DENND1B: variants seen among roughly 807,000 people sequenced by gnomAD.
DENND1B encodes DENN domain containing 1B.
Under a neutral mutation model 90.1 loss-of-function variants are expected in DENND1B, and 59 were observed. The observed-to-expected ratio is 0.65, with a 90% confidence interval of 0.53 to 0.81. DENND1B has a LOEUF of 0.81. Among genes scored for constraint, DENND1B ranks in the 40% least tolerant of loss-of-function variants. DENND1B has a pLI of 0.00. For missense variants in DENND1B, 862 were observed against 912.6 expected, an observed-to-expected ratio of 0.94 and a Z score of 0.71; for synonymous variants, 337 against 324.6, an observed-to-expected ratio of 1.04 and a Z score of -0.41.
At chr1:197,627,374 A>G (rs994203970) in intron 10 of DENND1B, among the ~76,000 whole-genome samples, 1 of 152,180 alleles carries the variant, frequency 6.6e-6, no homozygotes, top group Admixed American at 6.6e-5. Context: ...CTGGTTCAAT[A>G]CACGCAAATC....
At chr1:197,773,508 T>A (rs1023705873) in intron 1 of DENND1B, among the ~76,000 whole-genome samples, 4 of 152,318 alleles carry the variant, frequency 2.6e-5, no homozygotes, top group African/African-American at 9.6e-5. Flanking sequence ...TAAAATGTAT[T>A]TACTGTACTT....
chr1:197,561,726 T>C (rs1348086208), intron 15 of DENND1B, among the ~76,000 whole-genome samples: 1 of 151,914 alleles, frequency 6.6e-6, no homozygotes, highest in Non-Finnish European at 1.5e-5. Flanking sequence ...GCCCACAGTC[T>C]TCCCAATCTC....
At chr1:197,692,455 T>A (rs1455215873) in intron 3 of DENND1B, among the ~76,000 whole-genome samples, 1 of 151,736 alleles carries the variant, frequency 6.6e-6, no homozygotes, top group South Asian at 2.1e-4. Flanking sequence ...GTTCCATAAA[T>A]CCCACACTCC....
chr1:197,644,015 A>C (rs567230220), intron 9 of DENND1B, among the ~76,000 whole-genome samples: 2 of 152,336 alleles, frequency 1.3e-5, no homozygotes, highest in African/African-American at 2.4e-5. Context: ...AATTTCCGGA[A>C]GATAGAAACT....
At chr1:197,716,479 C>T (rs1660656730) in intron 2 of DENND1B, among the ~76,000 whole-genome samples, 1 of 151,366 alleles carries the variant, frequency 6.6e-6, no homozygotes, top group African/African-American at 2.4e-5. Flanking sequence ...TTACACATCA[C>T]CTAAAAACAC....
chr1:197,725,630 A>T (rs1315045901), intron 2 of DENND1B, among the ~76,000 whole-genome samples: 1 of 151,948 alleles, frequency 6.6e-6, no homozygotes, highest in Admixed American at 6.6e-5. Context: ...AAAAGACTAT[A>T]GCCTTGAAAA....
At chr1:197,674,248 T>G in intron 3 of DENND1B, 79 bp from the exon 4 acceptor site, 1 of 1,028,790 alleles carries the variant, frequency 9.7e-7, no homozygotes, top group South Asian at 1.5e-5. Context: ...TTTGAGACAT[T>G]TTCTAGGAGA....
intron 15 of DENND1B, among the ~76,000 whole-genome samples, chr1:197,572,694 C>T (rs538654118): frequency 3.9e-5 from 6 of 152,262 alleles, no homozygotes; most frequent in South Asian, 2.1e-4. Flanking sequence ...GCAGGTACCC[C>T]GCTGGGACGA....
intron 20 of DENND1B, among the ~76,000 whole-genome samples, chr1:197,527,371 C>T (rs1328654218): frequency 6.6e-6 from 1 of 151,158 alleles, no homozygotes; most frequent in Non-Finnish European, 1.5e-5. Flanking sequence ...CAACCTCTGC[C>T]TCCCGGGTTC....
rs377760829 is a variant in DENND1B at position 197,639,261 on chromosome 1, G to A, written c.672+3450C>T. On this transcript the variant is annotated intron_variant, in intron 10 of 22. Coordinates refer to ENST00000620048, the MANE Select transcript of DENND1B (RefSeq NM_001195215.2). Reference sequence around the variant, plus strand: ...GTATTTTTAGTAGAGATGGGGTTTCGCTATGTTGGCCAGGCTGGTCTCGAA... The same window carrying A: ...GTATTTTTAGTAGAGATGGGGTTTCACTATGTTGGCCAGGCTGGTCTCGAA... Among the ~76,000 whole-genome samples, 36 of 151,788 alleles carry A rather than the reference G, an allele frequency of 2.4e-4. No individual in the cohort carries two copies. In the East Asian group the frequency reaches 4.8e-3, roughly 20 times the overall value.
intron 20 of DENND1B, among the ~76,000 whole-genome samples, chr1:197,530,422 G>A (rs1669531981): frequency 6.6e-6 from 1 of 152,122 alleles, no homozygotes; most frequent in African/African-American, 2.4e-5. Flanking sequence ...AATGGACTAG[G>A]AATAGGATGA....
chr1:197,505,165 G>C lies in DENND1B; in HGVS notation c.*5295C>G, dbSNP rs575843746. ...ATTAGTTGCTGTTTTAGGCACTGCT[G>C]TAAGTACTAAACTACAACAGACTCA... On this transcript the variant is annotated 3_prime_UTR_variant, in exon 23 of 23. Coordinates refer to ENST00000620048, the MANE Select transcript of DENND1B (RefSeq NM_001195215.2). 4 of 151,842 alleles carry C rather than the reference G, an allele frequency of 2.6e-5. No individual in the cohort carries two copies. The East Asian group carries it at 7.8e-4, about 30-fold the overall frequency. The allele number at this position is 151,842 out of a possible 1,614,324, so 9.4% of individuals were successfully genotyped here.
chr1:197,722,109 A>G (rs886966130), intron 2 of DENND1B, among the ~76,000 whole-genome samples: 1 of 152,134 alleles, frequency 6.6e-6, no homozygotes, highest in African/African-American at 2.4e-5. Context: ...GCTTTCTTTC[A>G]TGAATTTAAG....
chr1:197,726,317 A>G (rs1364986352), intron 2 of DENND1B, among the ~76,000 whole-genome samples: 1 of 152,210 alleles, frequency 6.6e-6, no homozygotes, highest in Non-Finnish European at 1.5e-5. Context: ...GCAGAACTTC[A>G]ACATAGATGA....
At chr1:197,545,447 C>A (rs1670739065) in intron 18 of DENND1B, 1 of 158,528 alleles carries the variant, frequency 6.3e-6, no homozygotes. Context: ...TCAAAGCTAT[C>A]CTAGGTCACA....
chr1:197,718,291 C>T (rs1406262175), intron 2 of DENND1B, among the ~76,000 whole-genome samples: 1 of 151,282 alleles, frequency 6.6e-6, no homozygotes, highest in African/African-American at 2.4e-5. Flanking sequence ...CAGAGAGAAA[C>T]GTCAAAGGGC....
chr1:197,552,371 T>C, intron 16 of DENND1B: 1 of 985,442 alleles, frequency 1.0e-6, no homozygotes, highest in Non-Finnish European at 1.2e-6. Context: ...TCAAGCAAAA[T>C]GCTCTGCAAG....
intron 3 of DENND1B, among the ~76,000 whole-genome samples, chr1:197,682,137 A>T (rs534610436): frequency 6.6e-6 from 1 of 151,434 alleles, no homozygotes; most frequent in African/African-American, 2.4e-5. Flanking sequence ...TAAATCAGGG[A>T]CCCTACATTT....
chr1:197,641,103 GT>G (rs1479380343), intron 10 of DENND1B, among the ~76,000 whole-genome samples: 1 of 152,156 alleles, frequency 6.6e-6, no homozygotes, highest in Non-Finnish European at 1.5e-5. Flanking sequence ...TTTACAAACT[GT>G]TTCATGCCAG....
Sources: gnomAD v4.1 joint callset for allele counts (sites outside exome capture counted in the v4.1 genomes callset) on GRCh38, gnomAD v4.1.1 for gene constraint, MANE v1.5 for transcripts, NCBI Gene and HGNC (gene_info 2026-07-23, HGNC 2026-07-21) for gene names.